The following MAP2K6 variants were observed in gnomAD, a reference collection of about 807,000 sequenced individuals.
The protein encoded by MAP2K6 is mitogen-activated protein kinase kinase 6.
Under a neutral mutation model 53.7 loss-of-function variants are expected in MAP2K6, and 16 were observed. The observed-to-expected ratio is 0.30, with a 90% confidence interval of 0.20 to 0.45. The LOEUF is 0.45. MAP2K6 is among the 20% of genes least tolerant of loss of function. The pLI, the probability that MAP2K6 is intolerant of heterozygous loss-of-function variation, is 1.00. For missense variants in MAP2K6, 204 were observed against 411.9 expected (o/e 0.50, Z 4.37); for synonymous variants, 132 against 143.1 (o/e 0.92, Z 0.55).
intron 1 of MAP2K6, among the ~76,000 whole-genome samples, chr17:69,451,989 G>C (rs1262466517): frequency 6.6e-6 from 1 of 152,110 alleles, no homozygotes; most frequent in Non-Finnish European, 1.5e-5. Flanking sequence ...TACTGTAATA[G>C]TCCATGTTGA....
At chr17:69,480,217 G>A (rs1210153279) in intron 1 of MAP2K6, among the ~76,000 whole-genome samples, 2 of 152,168 alleles carry the variant, frequency 1.3e-5, no homozygotes, top group Non-Finnish European at 2.9e-5. Flanking sequence ...TCGGTACCCT[G>A]AGCTCCTTCA....
At chr17:69,451,671 C>A (rs1907230908) in intron 1 of MAP2K6, among the ~76,000 whole-genome samples, 1 of 152,156 alleles carries the variant, frequency 6.6e-6, no homozygotes, top group African/African-American at 2.4e-5. Context: ...AACAGATTCA[C>A]CTGGTCCCAC....
chr17:69,435,533 CAAAA>C (rs756597132), intron 1 of MAP2K6: 7 of 64,990 alleles, frequency 1.1e-4, no homozygotes, highest in African/African-American at 1.8e-4. Flanking sequence ...GATCCTGTCT[CAAAA>C]AAAAAAAAAA....
chr17:69,471,388 G>A (rs1907976997), intron 1 of MAP2K6, among the ~76,000 whole-genome samples: 1 of 152,224 alleles, frequency 6.6e-6, no homozygotes, highest in African/African-American at 2.4e-5. Flanking sequence ...GGATGGAGCT[G>A]GAGGCCATTA....
intron 1 of MAP2K6, among the ~76,000 whole-genome samples, chr17:69,462,950 CTTTTTTTT>C (rs10579616): frequency 9.1e-6 from 1 of 109,772 alleles, no homozygotes. Flanking sequence ...AATGACTTGT[CTTTTTTTT>C]TTTTTTTTTT....
At chr17:69,423,940 C>T (rs368887678) in intron 1 of MAP2K6, among the ~76,000 whole-genome samples, 2 of 151,998 alleles carry the variant, frequency 1.3e-5, no homozygotes, top group African/African-American at 2.4e-5. Context: ...ACTTTTGCAC[C>T]GACGTAAGAA....
chr17:69,469,539 G>C (rs566276650), intron 1 of MAP2K6, among the ~76,000 whole-genome samples: 2 of 152,102 alleles, frequency 1.3e-5, no homozygotes, highest in African/African-American at 4.8e-5. Context: ...CGAGGTGGGC[G>C]GATCACGAGA....
intron 1 of MAP2K6, chr17:69,485,414 GT>G: frequency 1.1e-6 from 1 of 946,318 alleles, no homozygotes; most frequent in South Asian, 4.9e-5. Flanking sequence ...TTGTTTGCCT[GT>G]TTGAATTTTC....
chr17:69,524,725 C>T (rs1158354842), intron 8 of MAP2K6, among the ~76,000 whole-genome samples, 176 bp from the exon 9 acceptor site: 1 of 152,104 alleles, frequency 6.6e-6, no homozygotes, highest in Non-Finnish European at 1.5e-5. Flanking sequence ...AGGGAAACCC[C>T]ACGGAGGCAT....
intron 8 of MAP2K6, among the ~76,000 whole-genome samples, chr17:69,524,535 G>A (rs980098345): frequency 6.6e-6 from 1 of 151,900 alleles, no homozygotes. Flanking sequence ...GCATGGGACA[G>A]TAGCCCAGTG....
At chr17:69,478,642 C>T (rs899259929) in intron 1 of MAP2K6, among the ~76,000 whole-genome samples, 4 of 152,174 alleles carry the variant, frequency 2.6e-5, no homozygotes, top group Non-Finnish European at 5.9e-5. Context: ...TCATGTTGGT[C>T]TCGAACTCCT....
Position 69,544,442 on chromosome 17 carries a change from A to G in MAP2K6, c.*2689A>G, listed in dbSNP as rs1350395719. ...AAAAATCAAGATACCTAAACTATAT[A>G]TAAATGGGGAGTATTCTGTACATAT... On this transcript the variant is annotated 3_prime_UTR_variant, in exon 12 of 12. Coordinates refer to ENST00000590474, the MANE Select transcript of MAP2K6 (RefSeq NM_002758.4). 6 of 152,240 alleles carry G rather than the reference A, an allele frequency of 3.9e-5. No homozygotes were observed. The highest frequency in any genetic ancestry group is 8.8e-5 in the Non-Finnish European group (6 of 68,038). The allele number at this position is 152,240 out of a possible 1,614,324, so 9.4% of individuals were successfully genotyped here.
intron 1 of MAP2K6, among the ~76,000 whole-genome samples, chr17:69,478,729 A>C (rs546854789): frequency 6.6e-6 from 1 of 152,226 alleles, no homozygotes; most frequent in African/African-American, 2.4e-5. Context: ...CTGGCCTCAT[A>C]TTTTACTTTC....
intron 1 of MAP2K6, among the ~76,000 whole-genome samples, chr17:69,420,457 C>T (rs1906041698): frequency 6.6e-6 from 1 of 152,136 alleles, no homozygotes; most frequent in Admixed American, 6.5e-5. Context: ...AATGACCTCA[C>T]AAGTCATATA....
At chr17:69,533,016 C>T (rs556724045) in intron 10 of MAP2K6, among the ~76,000 whole-genome samples, 13 of 152,258 alleles carry the variant, frequency 8.5e-5, no homozygotes, top group African/African-American at 2.9e-4. Context: ...GCAACCTCCG[C>T]CTCCCAGGTT....
chr17:69,508,708 C>T (rs973176865), intron 2 of MAP2K6, among the ~76,000 whole-genome samples: 15 of 152,272 alleles, frequency 9.9e-5, no homozygotes, highest in Admixed American at 8.5e-4. Context: ...AACCCTTTGC[C>T]TAGTCCTAGA....
intron 1 of MAP2K6, among the ~76,000 whole-genome samples, chr17:69,449,183 C>G (rs1275311743): frequency 6.6e-6 from 1 of 152,156 alleles, no homozygotes; most frequent in African/African-American, 2.4e-5. Context: ...CTTAACATCT[C>G]TGTTTTTTAA....
At chr17:69,508,324 C>T (rs1909635529) in intron 2 of MAP2K6, among the ~76,000 whole-genome samples, 1 of 152,030 alleles carries the variant, frequency 6.6e-6, no homozygotes, top group Admixed American at 6.6e-5. Context: ...GCCTTGGCCT[C>T]CCAAAGTGCT....
At chr17:69,458,212 C>G (rs760737206) in intron 1 of MAP2K6, among the ~76,000 whole-genome samples, 2 of 152,106 alleles carry the variant, frequency 1.3e-5, no homozygotes, top group Non-Finnish European at 2.9e-5. Flanking sequence ...CGCCATCAAG[C>G]CCGCTAATTT....
Sources: allele counts gnomAD v4.1 joint callset (sites outside exome capture counted in the v4.1 genomes callset), GRCh38; gene constraint gnomAD v4.1.1; transcripts MANE v1.5; gene names NCBI Gene and HGNC (gene_info 2026-07-23, HGNC 2026-07-21).